DYRK1A: variants seen among roughly 807,000 people sequenced by gnomAD.
DYRK1A encodes the protein dual specificity tyrosine phosphorylation regulated kinase 1A.
In DYRK1A, 9 loss-of-function variants were observed where a neutral mutation model predicts 79.7. The observed-to-expected ratio is 0.11, with a 90% CI of 0.07 to 0.20. The LOEUF is 0.20. DYRK1A is among the 10% of genes least tolerant of loss of function. DYRK1A has a pLI of 1.00. For missense variants in DYRK1A, 622 were observed against 956.0 expected (o/e 0.65, Z 4.61); for synonymous variants, 349 against 329.7 (o/e 1.06, Z -0.63).
At chr21:37,375,615 T>C (rs2049523522) in intron 1 of DYRK1A, among the ~76,000 whole-genome samples, 1 of 141,848 alleles carries the variant, frequency 7.0e-6, no homozygotes, top group Non-Finnish European at 1.5e-5. Context: ...AACCTCCGCC[T>C]TCCGGGTTCC....
chr21:37,457,249 G>T (rs1241761053), intron 2 of DYRK1A, among the ~76,000 whole-genome samples: 1 of 151,346 alleles, frequency 6.6e-6, no homozygotes, highest in Non-Finnish European at 1.5e-5. Context: ...TATCCCCCCC[G>T]CAAGACAGAG....
At chr21:37,484,012 C>G (rs1448098931) in intron 5 of DYRK1A, among the ~76,000 whole-genome samples, 2 of 152,138 alleles carry the variant, frequency 1.3e-5, no homozygotes, top group African/African-American at 2.4e-5. Context: ...GTTCCCAACC[C>G]GGGCTACACA....
At chr21:37,404,604 A>G (rs1389787606) in intron 1 of DYRK1A, among the ~76,000 whole-genome samples, 1 of 152,202 alleles carries the variant, frequency 6.6e-6, no homozygotes, top group Non-Finnish European at 1.5e-5. Context: ...GCCATGCTTT[A>G]CTGAGCCTCT....
At chr21:37,494,535 T>C (rs1000994986) in intron 8 of DYRK1A, among the ~76,000 whole-genome samples, 1 of 151,962 alleles carries the variant, frequency 6.6e-6, no homozygotes, top group Admixed American at 6.6e-5. Flanking sequence ...CCTTTGCTGA[T>C]GTTAGTGTTT....
intron 1 of DYRK1A, among the ~76,000 whole-genome samples, chr21:37,370,013 T>TC (rs1387463808): frequency 2.6e-5 from 4 of 152,326 alleles, no homozygotes; most frequent in South Asian, 2.1e-4. Context: ...AAATTTTTTT[T>TC]CCCCTCCAAA....
Position 37,519,736 on chromosome 21 carries a change from G to GTGTTTTTTTTTT in DYRK1A, c.*7206_*7207insGTTTTTTTTTTT, listed in dbSNP as rs1329924530. On this transcript the variant is annotated 3_prime_UTR_variant, in exon 12 of 12. Coordinates refer to ENST00000647188, the MANE Select transcript of DYRK1A (RefSeq NM_001347721.2). ...AGAGTTTTGAGGTTTGTTGTGGGAAGTTTTTTTTTTTTTTTTTTTTTTTGA... is the reference window on the plus strand; with the variant it reads ...AGAGTTTTGAGGTTTGTTGTGGGAAGTGTTTTTTTTTTTTTTTTTTTTTTTTTTTTTTTTTGA... 1.2e-4 allele frequency: 10 copies of GTGTTTTTTTTTT among 85,798 alleles called. No individual in the cohort carries two copies. Among genetic ancestry groups the GTGTTTTTTTTTT allele is most frequent in the African/African-American group, 4.9e-4 (10 of 20,610 alleles). The allele number at this position is 85,798 out of a possible 1,614,324, so 5.3% of individuals were successfully genotyped here.
rs2053774766 is a variant in DYRK1A, at chr21:37,512,254, C to T, written c.1988C>T (p.Thr663Ile). Residue 663 changes from threonine to isoleucine, a missense_variant, in exon 12 of 12, where the codon ACT (threonine) becomes ATT (isoleucine). By Grantham distance (89) the Thr-to-Ile change is moderately conservative. This residue lies in a region of DYRK1A where 292 missense variants were observed against 316.7 expected (regional missense o/e 0.92). Transcript: ENST00000647188. The part of the protein sequence containing the change: ...TTSSSTSSSS[T>I]GNQGNQAYQN... ...TCTTCCTCGACATCTTCCTCCTCTA[C>T]TGGTAACCAAGGCAATCAGGCCTAC... 6.2e-7 allele frequency: 1 copy of T among 1,614,130 alleles called. No homozygotes were observed. Among genetic ancestry groups the T allele is most frequent in the South Asian group, 1.1e-5 (1 of 91,094 alleles).
intron 4 of DYRK1A, among the ~76,000 whole-genome samples, chr21:37,479,597 TTTG>T (rs2052532477): frequency 1.5e-5 from 1 of 68,934 alleles, no homozygotes; most frequent in African/African-American, 1.1e-4. Flanking sequence ...GTGTTTTGTT[TTTG>T]TTTTTGTTTT....
At chr21:37,403,090 G>A (rs773967835) in intron 1 of DYRK1A, among the ~76,000 whole-genome samples, 12 of 152,010 alleles carry the variant, frequency 7.9e-5, no homozygotes, top group Non-Finnish European at 1.5e-4. Context: ...CTATTGATCT[G>A]TCTTCCAAGT....
rs762143 is a variant in DYRK1A, at chr21:37,522,098, A to G, written c.*9567A>G. 143,721 of 152,238 alleles carry G rather than the reference A, an allele frequency of 0.94. 67,907 individuals are homozygous for G. Among genetic ancestry groups the G allele is most frequent in the East Asian group, 0.99 (5,126 of 5,166 alleles). 9.4% of individuals were successfully genotyped at this position (152,238 alleles called of 1,614,324 possible). A position where few individuals can be genotyped will look rare whatever the true frequency, so the allele number is the denominator to read the frequency against. ...AGAATCTTGTATGTTCTAAAAATTA[A>G]CATCATTGCAGCTTCCTCAGCCCTA... On this transcript the variant is annotated 3_prime_UTR_variant, in exon 12 of 12. Transcript: ENST00000647188.
At position 37,490,180 on chromosome 21, in the gene DYRK1A, T is replaced by C. The variant is rs1441619492; in HGVS notation, c.643T>C (p.Leu215=). The C allele has an allele frequency of 6.2e-7, 1 of 1,611,372 alleles. No individual in the cohort carries two copies. Among genetic ancestry groups the C allele is most frequent in the Non-Finnish European group, 8.5e-7 (1 of 1,178,272 alleles). Reference sequence around the variant, plus strand: ...GAAACTGTTTTCTCTTTCAGTGCATTTGAAACGCCACTTTATGTTTCGAAA... The same window carrying C: ...GAAACTGTTTTCTCTTTCAGTGCATCTGAAACGCCACTTTATGTTTCGAAA... ...DTEMKYYIVH[L]KRHFMFRNHL... is the part of the protein sequence containing the mutation. Residue 215 remains leucine (L), a synonymous_variant, in exon 7 of 12, where the codon TTG becomes CTG. Coordinates refer to ENST00000647188, the MANE Select transcript of DYRK1A (RefSeq NM_001347721.2).
At chr21:37,413,831 A>T (rs571450293) in intron 1 of DYRK1A, among the ~76,000 whole-genome samples, 3 of 152,270 alleles carry the variant, frequency 2.0e-5, no homozygotes, top group African/African-American at 7.2e-5. Flanking sequence ...CAAGCATATC[A>T]GTTAAAGGAC....
chr21:37,373,796 G>A (rs1404846308), intron 1 of DYRK1A, among the ~76,000 whole-genome samples: 8 of 152,210 alleles, frequency 5.3e-5, no homozygotes, highest in African/African-American at 1.9e-4. Flanking sequence ...TCTTTGATAG[G>A]TGACTATTTG....
intron 2 of DYRK1A, among the ~76,000 whole-genome samples, chr21:37,451,699 G>A (rs985790218): frequency 5.3e-5 from 8 of 151,824 alleles, no homozygotes; most frequent in South Asian, 2.1e-4. Flanking sequence ...TAGCGTGGGC[G>A]TGCAGTGTAT....
chr21:37,403,645 AAAAATAT>A (rs1308227835), intron 1 of DYRK1A, among the ~76,000 whole-genome samples: 12 of 102,614 alleles, frequency 1.2e-4, no homozygotes, highest in South Asian at 1.0e-3. Flanking sequence ...AAAAAAAAAA[AAAAATAT>A]ATATATATAT....
At chr21:37,402,473 T>A (rs1424505386) in intron 1 of DYRK1A, among the ~76,000 whole-genome samples, 1 of 152,248 alleles carries the variant, frequency 6.6e-6, no homozygotes. Flanking sequence ...ATGTAAGTGG[T>A]AATGACTATC....
intron 2 of DYRK1A, among the ~76,000 whole-genome samples, chr21:37,463,435 G>T (rs2051919694): frequency 1.3e-5 from 2 of 152,184 alleles, no homozygotes; most frequent in Admixed American, 1.3e-4. Flanking sequence ...ATATAAAAAT[G>T]AGTAAGAGCA....
At chr21:37,493,933 CTTTTTTTT>C (rs35158368) in intron 8 of DYRK1A, among the ~76,000 whole-genome samples, 36 of 114,230 alleles carry the variant, frequency 3.2e-4, no homozygotes, top group Admixed American at 1.0e-4. Context: ...TTTAATTCTT[CTTTTTTTT>C]TTTTTTTTTT....
chr21:37,396,938 G>A (rs59039983), intron 1 of DYRK1A, among the ~76,000 whole-genome samples: 1 of 152,284 alleles, frequency 6.6e-6, no homozygotes, highest in African/African-American at 2.4e-5. Flanking sequence ...GGCGGTGACT[G>A]CCTCACGTGG....
Sources: allele counts gnomAD v4.1 joint callset (sites outside exome capture counted in the v4.1 genomes callset), GRCh38; gene constraint gnomAD v4.1.1; regional missense constraint gnomAD v4.1.1; transcripts MANE v1.5; gene names NCBI Gene and HGNC (gene_info 2026-07-23, HGNC 2026-07-21).